FAF1: variants seen among roughly 807,000 people sequenced by gnomAD.
FAF1 encodes the protein Fas associated factor 1.
FAF1 carries 25 observed loss-of-function variants against 92.5 expected under a neutral mutation model. The ratio of observed to expected loss-of-function variants is 0.27; its 90% confidence interval spans 0.20 to 0.38. FAF1 has a LOEUF of 0.38. Among genes scored for constraint, FAF1 ranks in the 10% least tolerant of loss-of-function variants. The pLI, the probability that FAF1 is intolerant of heterozygous loss-of-function variation, is 1.00. For missense variants in FAF1, 636 were observed against 793.3 expected, an observed-to-expected ratio of 0.80 and a Z score of 2.38; for synonymous variants, 234 against 273.2, an observed-to-expected ratio of 0.86 and a Z score of 1.42.
chr1:50,925,362 A>T (rs1644996744), intron 1 of FAF1, among the ~76,000 whole-genome samples: 1 of 152,190 alleles, frequency 6.6e-6, no homozygotes, highest in Admixed American at 6.5e-5. Context: ...GAAACAATCA[A>T]CACAGTTAAG....
chr1:50,526,278 T>C (rs1264331486), intron 15 of FAF1, among the ~76,000 whole-genome samples: 1 of 151,722 alleles, frequency 6.6e-6, no homozygotes, highest in Admixed American at 6.6e-5. Context: ...CCACCGTGCC[T>C]GGCCAAAACA....
At chr1:50,903,690 A>T (rs187959782) in intron 1 of FAF1, among the ~76,000 whole-genome samples, 1 of 152,336 alleles carries the variant, frequency 6.6e-6, no homozygotes, top group Non-Finnish European at 1.5e-5. Flanking sequence ...AACCAACCAC[A>T]TTAGTGATAT....
intron 8 of FAF1, among the ~76,000 whole-genome samples, chr1:50,619,909 C>CTCT (rs1271544842): frequency 1.4e-5 from 2 of 140,280 alleles, no homozygotes; most frequent in African/African-American, 5.3e-5. Flanking sequence ...CTCTCTCTCT[C>CTCT]TTTTTTTTTT....
At chr1:50,808,183 A>G (rs547799311) in intron 2 of FAF1, among the ~76,000 whole-genome samples, 19 of 152,322 alleles carry the variant, frequency 1.2e-4, no homozygotes, top group African/African-American at 3.6e-4. Flanking sequence ...AAAAGGATAA[A>G]TAAGATCCTT....
At position 50,931,483 on chromosome 1, in the gene FAF1, C is replaced by A. The variant is rs192395925; in HGVS notation, c.45+28284G>T. 1.3e-3 allele frequency among the ~76,000 whole-genome samples: 196 copies of A among 152,278 alleles called. 1 individual carries two copies. Among genetic ancestry groups the A allele is most frequent in the Non-Finnish European group, 2.2e-3 (152 of 68,024 alleles). On this transcript the variant is annotated intron_variant, in intron 1 of 18. Coordinates refer to ENST00000396153, the MANE Select transcript of FAF1 (RefSeq NM_007051.3). Reference sequence around the variant, plus strand: ...GACAGGAGGTGAAAGGCACTTCTTACATGGTGGCAGTGAGAGAAAAATGAG... The same window carrying A: ...GACAGGAGGTGAAAGGCACTTCTTAAATGGTGGCAGTGAGAGAAAAATGAG...
Position 50,567,125 on chromosome 1 carries a change from T to C in FAF1, c.1220A>G (p.Asn407Ser). Residue 407 changes from asparagine to serine, a missense_variant, in exon 13 of 19, where the codon AAT (asparagine) becomes AGT (serine). By Grantham distance (46) the Asn-to-Ser change is conservative. Around this residue, in one of 2 missense-constraint regions of FAF1, gnomAD observed 319 missense variants for 451.0 expected, o/e 0.71. Coordinates refer to ENST00000396153, the MANE Select transcript of FAF1 (RefSeq NM_007051.3). ...CAGATCCCAAGCCCAGGTTATAAAA[T>C]TTTGACTCAGATAAGAAACAATGGA... ...AESIVSYLSQ[N>S]FITWAWDLTK... The C allele has an allele frequency of 6.2e-7, 1 of 1,609,782 alleles. No homozygotes were observed. Among genetic ancestry groups the C allele is most frequent in the East Asian group, 2.2e-5 (1 of 44,790 alleles).
rs146001895 is a variant in FAF1, at chr1:50,950,813, A to G, written c.45+8954T>C. Among the ~76,000 whole-genome samples, 309 of 152,346 alleles carry G rather than the reference A, an allele frequency of 2.0e-3. 2 individuals carry two copies. Among genetic ancestry groups the G allele is most frequent in the African/African-American group, 6.9e-3 (285 of 41,576 alleles). On this transcript the variant is annotated intron_variant, in intron 1 of 18. Transcript: ENST00000396153. ...TACTACATGACAGCCAAGCACTGCT[A>G]ATTTATTTTATACGTAAGTTTCCTC...
At chr1:50,576,255 T>C (rs1650727615) in intron 12 of FAF1, among the ~76,000 whole-genome samples, 1 of 152,232 alleles carries the variant, frequency 6.6e-6, no homozygotes, top group Non-Finnish European at 1.5e-5. Context: ...CATCATGTTT[T>C]TTCCATATTA....
At chr1:50,635,540 C>T (rs1302816760) in intron 8 of FAF1, among the ~76,000 whole-genome samples, 1 of 152,188 alleles carries the variant, frequency 6.6e-6, no homozygotes, top group Non-Finnish European at 1.5e-5. Context: ...ATCCTCCCAC[C>T]TCAGCCTCCT....
chr1:50,441,719 C>T (rs909069829), intron 18 of FAF1, among the ~76,000 whole-genome samples, 196 bp from the exon 19 acceptor site: 3 of 152,130 alleles, frequency 2.0e-5, no homozygotes, highest in African/African-American at 7.2e-5. Flanking sequence ...GAAACCAGGG[C>T]TCAGGAAAAT....
chr1:50,601,498 G>A (rs1435843060), intron 8 of FAF1, among the ~76,000 whole-genome samples: 1 of 152,048 alleles, frequency 6.6e-6, no homozygotes, highest in Non-Finnish European at 1.5e-5. Flanking sequence ...CCTGACCAAC[G>A]TGGTGAAACC....
At chr1:50,506,249 G>C (rs989756313) in intron 15 of FAF1, among the ~76,000 whole-genome samples, 1 of 152,144 alleles carries the variant, frequency 6.6e-6, no homozygotes, top group African/African-American at 2.4e-5. Flanking sequence ...CTTTGTTTCA[G>C]GTAATGACTC....
chr1:50,740,109 A>G (rs950198221), intron 5 of FAF1, among the ~76,000 whole-genome samples: 3 of 152,168 alleles, frequency 2.0e-5, no homozygotes, highest in Admixed American at 6.6e-5. Context: ...AGAACAGCCT[A>G]AAATAAAATT....
chr1:50,870,105 T>C (rs1452282949), intron 1 of FAF1, among the ~76,000 whole-genome samples: 1 of 152,252 alleles, frequency 6.6e-6, no homozygotes, highest in Non-Finnish European at 1.5e-5. Context: ...GACAGAATTT[T>C]GTATAAGCAA....
At chr1:50,918,902 A>G (rs908455418) in intron 1 of FAF1, among the ~76,000 whole-genome samples, 3 of 151,274 alleles carry the variant, frequency 2.0e-5, no homozygotes, top group East Asian at 2.0e-4. Context: ...GTGTGAGATG[A>G]TATCTCATAG....
At chr1:50,846,709 C>T (rs1644304558) in intron 2 of FAF1, 6 of 612,174 alleles carry the variant, frequency 9.8e-6, no homozygotes. Context: ...TGATGGAGCA[C>T]TTCTCCAAAC....
chr1:50,551,054 A>T lies in FAF1; in HGVS notation c.1269-11326T>A, dbSNP rs531987655. On this transcript the variant is annotated intron_variant, in intron 13 of 18. Coordinates refer to ENST00000396153, the MANE Select transcript of FAF1 (RefSeq NM_007051.3). ...GCTGGAATTCTACAGCTAAACTTCA[A>T]CTCAGGTGCTTATAAATATTCATAT... Among the ~76,000 whole-genome samples, 22 of 152,282 alleles carry T rather than the reference A, an allele frequency of 1.4e-4. No individual in the cohort carries two copies. In the East Asian group the frequency reaches 4.2e-3, roughly 29 times the overall value.
intron 7 of FAF1, 71 bp from the exon 8 acceptor site, chr1:50,655,599 G>T: frequency 1.1e-6 from 1 of 913,242 alleles, no homozygotes; most frequent in South Asian, 1.5e-5. Flanking sequence ...ATCAATTTAT[G>T]AGACATACAG....
chr1:50,905,156 G>T (rs182522766), intron 1 of FAF1, among the ~76,000 whole-genome samples: 2 of 152,018 alleles, frequency 1.3e-5, no homozygotes, highest in African/African-American at 4.8e-5. Context: ...CTGTATTTGC[G>T]ATCGTTTGCT....
Sources: allele counts gnomAD v4.1 joint callset (sites outside exome capture counted in the v4.1 genomes callset), GRCh38; gene constraint gnomAD v4.1.1; regional missense constraint gnomAD v4.1.1; transcripts MANE v1.5; gene names NCBI Gene and HGNC (gene_info 2026-07-23, HGNC 2026-07-21).